EIF4E3: variants seen among roughly 807,000 people sequenced by gnomAD.
EIF4E3 encodes the protein eukaryotic translation initiation factor 4E family member 3.
A neutral mutation model predicts 31.7 loss-of-function variants in EIF4E3; 26 were observed. That is an observed-to-expected ratio of 0.82 (90% CI 0.60 to 1.14). The LOEUF (loss-of-function observed/expected upper bound fraction) is 1.14. Among genes scored for constraint, EIF4E3 ranks in the 50% most tolerant of loss-of-function variants. The pLI is 0.00. For missense variants in EIF4E3, 304 were observed against 270.9 expected, an observed-to-expected ratio of 1.12 and a Z score of -0.86; for synonymous variants, 128 against 107.7, an observed-to-expected ratio of 1.19 and a Z score of -1.17.
chr3:71,752,078 G>A (rs779850436), intron 1 of EIF4E3, among the ~76,000 whole-genome samples: 1 of 152,124 alleles, frequency 6.6e-6, no homozygotes, highest in Non-Finnish European at 1.5e-5. Flanking sequence ...GTGCTCAATA[G>A]TTGATTTTCT....
chr3:71,740,550 A>G (rs2049809321), intron 1 of EIF4E3, among the ~76,000 whole-genome samples: 1 of 152,212 alleles, frequency 6.6e-6, no homozygotes, highest in Non-Finnish European at 1.5e-5. Flanking sequence ...CCTGGGCAAC[A>G]TGGCAAAACA....
chr3:71,724,508 A>T (rs1003513753), intron 1 of EIF4E3, among the ~76,000 whole-genome samples: 3 of 152,174 alleles, frequency 2.0e-5, no homozygotes, highest in African/African-American at 7.2e-5. Flanking sequence ...CTTTCTGAAA[A>T]GATGGCACCT....
At chr3:71,742,909 G>A (rs568519294) in intron 1 of EIF4E3, among the ~76,000 whole-genome samples, 39 of 152,236 alleles carry the variant, frequency 2.6e-4, no homozygotes, top group African/African-American at 8.7e-4. Context: ...TGCATGGAAA[G>A]CATTTGTCAA....
intron 6 of EIF4E3, among the ~76,000 whole-genome samples, chr3:71,686,543 A>AGTGTGT (rs61264269): frequency 0.015 from 2,201 of 143,578 alleles, 25 homozygotes; most frequent in South Asian, 0.038. Context: ...TTTCACATTG[A>AGTGTGT]GTGTGTGTGT....
chr3:71,689,451 G>A (rs1424500080), intron 6 of EIF4E3, among the ~76,000 whole-genome samples: 5 of 152,070 alleles, frequency 3.3e-5, no homozygotes, highest in African/African-American at 1.2e-4. Context: ...GAAAACAATG[G>A]GTCCACACAC....
At chr3:71,721,128 G>T (rs767477692) in intron 1 of EIF4E3, among the ~76,000 whole-genome samples, 1 of 152,316 alleles carries the variant, frequency 6.6e-6, no homozygotes, top group South Asian at 2.1e-4. Flanking sequence ...CCAGAACTCC[G>T]AAGAGAGCTG....
chr3:71,748,877 A>G (rs1281832005), intron 1 of EIF4E3, among the ~76,000 whole-genome samples: 1 of 152,270 alleles, frequency 6.6e-6, no homozygotes, highest in East Asian at 1.9e-4. Context: ...AGAGTCAGAA[A>G]TTAGGTTTCT....
intron 1 of EIF4E3, among the ~76,000 whole-genome samples, chr3:71,711,854 T>C (rs2049384237): frequency 6.6e-6 from 1 of 151,990 alleles, no homozygotes; most frequent in South Asian, 2.1e-4. Flanking sequence ...GTGGTGGTGC[T>C]CACCTGCAGT....
chr3:71,705,429 A>G (rs1199431942), intron 2 of EIF4E3, among the ~76,000 whole-genome samples: 1 of 152,218 alleles, frequency 6.6e-6, no homozygotes, highest in Non-Finnish European at 1.5e-5. Flanking sequence ...TAATTTCAAT[A>G]GGTTATATAT....
chr3:71,733,854 TGAAAG>T (rs1190567794), intron 1 of EIF4E3, among the ~76,000 whole-genome samples: 2 of 151,934 alleles, frequency 1.3e-5, no homozygotes, highest in African/African-American at 2.4e-5. Context: ...AAGCAATTCT[TGAAAG>T]GAAGCTGCAT....
At chr3:71,669,789 T>C in the EIF4E3 span, among the ~76,000 whole-genome samples, 2 of 152,288 alleles carry the variant, frequency 1.3e-5, no homozygotes, top group African/African-American at 4.8e-5. Flanking sequence ...AGACATAGAT[T>C]ATTTAGCAGA....
chr3:71,702,880 T>C (rs910781014), intron 2 of EIF4E3, among the ~76,000 whole-genome samples: 6 of 152,210 alleles, frequency 3.9e-5, no homozygotes, highest in Non-Finnish European at 8.8e-5. Context: ...TCTTCCGCCC[T>C]TGCAGAAGTG....
At chr3:71,728,097 C>G (rs2049661816), upstream of EIF4E3, among the ~76,000 whole-genome samples, 1 of 152,146 alleles carries the variant, frequency 6.6e-6, no homozygotes, top group Non-Finnish European at 1.5e-5. Flanking sequence ...ATTCCTATTT[C>G]TATTTTAAAG....
At chr3:71,726,685 C>T (rs2049643267), upstream of EIF4E3, among the ~76,000 whole-genome samples, 1 of 152,170 alleles carries the variant, frequency 6.6e-6, no homozygotes, top group South Asian at 2.1e-4. Flanking sequence ...TGTCATGAAT[C>T]CCAGAGTAGA....
chr3:71,743,975 A>T (rs1468003874), intron 1 of EIF4E3, among the ~76,000 whole-genome samples: 1 of 152,138 alleles, frequency 6.6e-6, no homozygotes, highest in African/African-American at 2.4e-5. Flanking sequence ...ACTGTAAAAA[A>T]CCTAAAATCA....
intron 3 of EIF4E3, 95 bp from the exon 4 acceptor site, chr3:71,696,615 C>A: frequency 7.0e-7 from 1 of 1,422,504 alleles, no homozygotes; most frequent in Non-Finnish European, 9.7e-7. Flanking sequence ...AGTTTAACAA[C>A]AGATGACCTT....
At chr3:71,706,220 T>C (rs553840921) in intron 2 of EIF4E3, among the ~76,000 whole-genome samples, 2 of 152,236 alleles carry the variant, frequency 1.3e-5, no homozygotes, top group South Asian at 2.1e-4. Flanking sequence ...AGAAAGAGAA[T>C]TGGACTGGGA....
At chr3:71,713,809 C>G (rs1421664422) in intron 1 of EIF4E3, among the ~76,000 whole-genome samples, 1 of 152,046 alleles carries the variant, frequency 6.6e-6, no homozygotes, top group African/African-American at 2.4e-5. Context: ...AATAGTCTTT[C>G]CAATGGATAG....
chr3:71,714,273 A>AGAAGGAAGGAAGGAAG (rs1215872110), intron 1 of EIF4E3, among the ~76,000 whole-genome samples: 20 of 125,280 alleles, frequency 1.6e-4, no homozygotes, highest in Admixed American at 2.3e-4. Flanking sequence ...AAGGAAGGAA[A>AGAAGGAAGGAAGGAAG]GAAGGAAGGA....
Sources: gnomAD v4.1 joint callset for allele counts (sites outside exome capture counted in the v4.1 genomes callset) on GRCh38, gnomAD v4.1.1 for gene constraint, MANE v1.5 for transcripts, NCBI Gene and HGNC (gene_info 2026-07-23, HGNC 2026-07-21) for gene names.